Variants in CPED1 observed in about 807,000 individuals in gnomAD.
CPED1 encodes the protein cadherin like and PC-esterase domain containing 1, also known as cadherin-like and PC-esterase domain-containing protein 1.
In CPED1, 114 loss-of-function variants were observed where a neutral mutation model predicts 128.2. The ratio of observed to expected loss-of-function variants is 0.89; its 90% CI spans 0.76 to 1.04. The LOEUF (loss-of-function observed/expected upper bound fraction) is 1.04, where lower values mean the gene tolerates loss of function less well. Ranked by LOEUF, CPED1 falls within the 50% of genes least tolerant of loss-of-function variation. The pLI is 0.00. For missense variants in CPED1, 1,211 were observed against 1,207.1 expected, an observed-to-expected ratio of 1.00 and a Z score of -0.05; for synonymous variants, 462 against 426.7, an observed-to-expected ratio of 1.08 and a Z score of -1.02.
intron 9 of CPED1, among the ~76,000 whole-genome samples, chr7:121,126,353 G>A (rs1795504276): frequency 6.6e-6 from 1 of 151,902 alleles, no homozygotes; most frequent in Non-Finnish European, 1.5e-5. Flanking sequence ...GATATGTGTA[G>A]AGTGAAGTGT....
At position 121,130,203 on chromosome 7, in the gene CPED1, G is replaced by T. The variant is rs753631970; in HGVS notation, c.1486G>T (p.Gly496Cys). ...TGTGGCAAATCCTGTGGGAAATCCT[G>T]GCTCAGTCCTGACCCAATACTGGTC... is the stretch of plus-strand genomic sequence containing the variant. Reference protein sequence around the residue: ...YDVANPVGNPGSVLTQYWSLL... With the variant: ...YDVANPVGNPCSVLTQYWSLL... The change falls in exon 12 of 23, where the codon GGC becomes TGC. Residue 496 changes from glycine to cysteine, a missense_variant. Physicochemically the swap from Gly to Cys is radical, Grantham distance 159. Coordinates refer to ENST00000310396, the MANE Select transcript of CPED1 (RefSeq NM_024913.5). 3.1e-6 allele frequency: 5 copies of T among 1,612,718 alleles called. No homozygotes were observed. In the East Asian group the frequency reaches 8.9e-5, roughly 29 times the overall value.
chr7:121,098,596 G>C (rs1397969930), intron 6 of CPED1, among the ~76,000 whole-genome samples: 1 of 151,336 alleles, frequency 6.6e-6, no homozygotes, highest in Non-Finnish European at 1.5e-5. Context: ...GCCAGGCACA[G>C]TGGTGCATGC....
At chr7:121,257,234 A>T (rs1791906475) in intron 18 of CPED1, among the ~76,000 whole-genome samples, 1 of 152,078 alleles carries the variant, frequency 6.6e-6, no homozygotes. Context: ...GTTTGGGGAA[A>T]AAAAGACAAT....
intron 17 of CPED1, among the ~76,000 whole-genome samples, chr7:121,240,404 G>A (rs1360720979): frequency 1.3e-5 from 2 of 152,108 alleles, no homozygotes; most frequent in Non-Finnish European, 2.9e-5. Context: ...TTATTAAATA[G>A]AATCTCATTA....
At chr7:121,141,511 G>T (rs1795903750) in intron 15 of CPED1, among the ~76,000 whole-genome samples, 1 of 152,000 alleles carries the variant, frequency 6.6e-6, no homozygotes, top group South Asian at 2.1e-4. Flanking sequence ...ATGGTTCCAT[G>T]CTGTAGGGAA....
chr7:121,150,388 T>G (rs1259134746), intron 16 of CPED1, among the ~76,000 whole-genome samples: 2 of 152,010 alleles, frequency 1.3e-5, no homozygotes, highest in Non-Finnish European at 2.9e-5. Context: ...ATTTCATTCT[T>G]TTTTTATGGC....
chr7:121,085,175 T>C (rs1429141971), intron 5 of CPED1, among the ~76,000 whole-genome samples: 1 of 152,214 alleles, frequency 6.6e-6, no homozygotes, highest in East Asian at 1.9e-4. Flanking sequence ...CTGGGCTCCA[T>C]GTGGCATCGG....
At chr7:121,068,381 C>T (rs1191827057) in intron 5 of CPED1, among the ~76,000 whole-genome samples, 1 of 152,004 alleles carries the variant, frequency 6.6e-6, no homozygotes, top group African/African-American at 2.4e-5. Context: ...AATCCTTTCC[C>T]CATTGCTTGT....
intron 16 of CPED1, among the ~76,000 whole-genome samples, chr7:121,208,767 G>T (rs1797577197): frequency 6.6e-6 from 1 of 152,030 alleles, no homozygotes; most frequent in Non-Finnish European, 1.5e-5. Flanking sequence ...GAACTCCACA[G>T]TGTATGACCA....
chr7:121,102,174 T>G (rs558934807), intron 7 of CPED1, among the ~76,000 whole-genome samples: 7 of 152,316 alleles, frequency 4.6e-5, no homozygotes, highest in African/African-American at 1.7e-4. Flanking sequence ...ATTTTGCTAC[T>G]ATCTTCCATT....
intron 16 of CPED1, among the ~76,000 whole-genome samples, chr7:121,199,312 A>G (rs1380085979): frequency 6.6e-6 from 1 of 152,074 alleles, no homozygotes; most frequent in Non-Finnish European, 1.5e-5. Flanking sequence ...TGGCTTTCCC[A>G]ACCATAATAA....
In CPED1 at chr7:121,056,264, A is replaced by C. The variant is rs534938766; in HGVS notation, c.541-7974A>C. 4.8e-4 allele frequency among the ~76,000 whole-genome samples: 73 copies of C among 152,200 alleles called. 1 individual carries two copies. The highest frequency in any genetic ancestry group is 9.3e-4 in the Non-Finnish European group (63 of 68,006). Reference sequence around the variant, plus strand: ...TGTTTTCCTCTTTACATTTAACTAAATATTCTATCATACATGTATGTTAGT... The same window carrying C: ...TGTTTTCCTCTTTACATTTAACTAACTATTCTATCATACATGTATGTTAGT... On this transcript the variant is annotated intron_variant, in intron 4 of 22. Transcript: ENST00000310396.
At chr7:121,126,854 T>G (rs1345986709) in intron 9 of CPED1, among the ~76,000 whole-genome samples, 1 of 152,144 alleles carries the variant, frequency 6.6e-6, no homozygotes, top group African/African-American at 2.4e-5. Flanking sequence ...CGAGATAAAC[T>G]AATGTGACTT....
chr7:121,238,304 C>G (rs938233458), intron 17 of CPED1, among the ~76,000 whole-genome samples: 3 of 152,128 alleles, frequency 2.0e-5, no homozygotes, highest in African/African-American at 7.2e-5. Flanking sequence ...AAATTTGAAG[C>G]CTCCATAATC....
chr7:121,251,364 G>C (rs182487530), intron 18 of CPED1, among the ~76,000 whole-genome samples: 2 of 152,112 alleles, frequency 1.3e-5, no homozygotes, highest in East Asian at 3.9e-4. Flanking sequence ...ATATCATACT[G>C]AATGGACAAA....
chr7:121,234,931 A>G (rs1278629539), intron 16 of CPED1, among the ~76,000 whole-genome samples: 1 of 152,114 alleles, frequency 6.6e-6, no homozygotes, highest in Non-Finnish European at 1.5e-5. Flanking sequence ...CCTTATACAT[A>G]TCCCTTATGT....
At chr7:121,139,301 C>G (rs1359578901) in intron 14 of CPED1, among the ~76,000 whole-genome samples, 1 of 151,738 alleles carries the variant, frequency 6.6e-6, no homozygotes, top group Non-Finnish European at 1.5e-5. Context: ...TACAGTATAT[C>G]TATTGTATTA....
chr7:121,166,299 T>C (rs573927372), intron 16 of CPED1, among the ~76,000 whole-genome samples: 1 of 152,310 alleles, frequency 6.6e-6, no homozygotes, highest in African/African-American at 2.4e-5. Context: ...ATTGCTATGA[T>C]GTATAAAATG....
intron 4 of CPED1, chr7:121,050,711 G>A (rs965886113): frequency 2.8e-5 from 12 of 424,330 alleles, no homozygotes; most frequent in African/African-American, 1.0e-4. Context: ...GTGATCCACC[G>A]CCTCGGCCTC....
Sources: allele counts gnomAD v4.1 joint callset (sites outside exome capture counted in the v4.1 genomes callset), GRCh38; gene constraint gnomAD v4.1.1; transcripts MANE v1.5; gene names NCBI Gene and HGNC (gene_info 2026-07-23, HGNC 2026-07-21).